NOS1AP: variants seen among roughly 807,000 people sequenced by gnomAD.
NOS1AP encodes the protein nitric oxide synthase 1 adaptor protein, also known as carboxyl-terminal PDZ ligand of neuronal nitric oxide synthase protein.
A neutral mutation model predicts 56.2 loss-of-function variants in NOS1AP; 21 were observed. The observed-to-expected ratio is 0.37, with a 90% CI of 0.26 to 0.54. The LOEUF is 0.54. Among genes scored for constraint, NOS1AP ranks in the 20% least tolerant of loss-of-function variants. The probability of loss-of-function intolerance (pLI) is 0.84; values close to 1 mark genes in which losing one functional copy is unlikely to be tolerated. For synonymous variants in NOS1AP, 270 were observed against 274.6 expected, an observed-to-expected ratio of 0.98 and a Z score of 0.17; for missense variants, 522 against 657.8, an observed-to-expected ratio of 0.79 and a Z score of 2.26.
At chr1:162,299,321 T>C (rs1049527916) in intron 3 of NOS1AP, among the ~76,000 whole-genome samples, 7 of 152,178 alleles carry the variant, frequency 4.6e-5, no homozygotes, top group African/African-American at 1.7e-4. Context: ...GCCATGCAGA[T>C]CAGGGATCCA....
intron 2 of NOS1AP, among the ~76,000 whole-genome samples, chr1:162,221,520 GCACACACACGCGCGCA>G (rs1298412386): frequency 2.0e-5 from 2 of 100,836 alleles, no homozygotes; most frequent in East Asian, 2.7e-4. Context: ...ACACACACAC[GCACACACACGCGCGCA>G]CACACACACA....
chr1:162,139,932 A>G (rs1649165235), intron 1 of NOS1AP, among the ~76,000 whole-genome samples: 1 of 151,874 alleles, frequency 6.6e-6, no homozygotes, highest in Non-Finnish European at 1.5e-5. Context: ...GGTTCAAGTG[A>G]TTATCATGCC....
chr1:162,332,106 C>T (rs1656789107), intron 4 of NOS1AP, among the ~76,000 whole-genome samples: 1 of 152,206 alleles, frequency 6.6e-6, no homozygotes, highest in South Asian at 2.1e-4. Flanking sequence ...CCACTTGAAC[C>T]ACACTCCGTT....
intron 1 of NOS1AP, among the ~76,000 whole-genome samples, chr1:162,153,995 T>C (rs1156728383): frequency 1.3e-5 from 2 of 150,416 alleles, no homozygotes; most frequent in Non-Finnish European, 3.0e-5. Flanking sequence ...TTGAGAGCAC[T>C]AATATTTGCC....
intron 2 of NOS1AP, among the ~76,000 whole-genome samples, chr1:162,270,955 G>A (rs776875568): frequency 2.6e-5 from 4 of 152,162 alleles, no homozygotes; most frequent in Non-Finnish European, 4.4e-5. Flanking sequence ...GAAACTGTAT[G>A]TATGTAACTG....
chr1:162,099,943 C>A (rs1158967667), intron 1 of NOS1AP, among the ~76,000 whole-genome samples: 4 of 151,624 alleles, frequency 2.6e-5, no homozygotes, highest in Non-Finnish European at 5.9e-5. Context: ...TCATCCATGT[C>A]CCTACAAAGG....
At chr1:162,303,312 G>C (rs921235736) in intron 4 of NOS1AP, among the ~76,000 whole-genome samples, 71 of 152,308 alleles carry the variant, frequency 4.7e-4, no homozygotes, top group African/African-American at 1.5e-3. Flanking sequence ...GTGTACAAGA[G>C]TCCCAATTCC....
At chr1:162,197,011 C>T (rs1038567306) in intron 2 of NOS1AP, among the ~76,000 whole-genome samples, 64 of 152,084 alleles carry the variant, frequency 4.2e-4, no homozygotes, top group African/African-American at 1.5e-3. Context: ...TAGAGTTTGT[C>T]GGTGGCTCTC....
At chr1:162,088,746 A>T (rs1692060121) in intron 1 of NOS1AP, among the ~76,000 whole-genome samples, 4 of 152,112 alleles carry the variant, frequency 2.6e-5, no homozygotes, top group African/African-American at 9.7e-5. Context: ...TTGAGGCCAG[A>T]TTACTCAGTC....
chr1:162,242,077 T>A (rs1442261529), intron 2 of NOS1AP, among the ~76,000 whole-genome samples: 1 of 152,196 alleles, frequency 6.6e-6, no homozygotes, highest in Non-Finnish European at 1.5e-5. Flanking sequence ...TCTTTTTACC[T>A]TCCTTCCTTC....
At chr1:162,318,084 C>G (rs952733672) in intron 4 of NOS1AP, among the ~76,000 whole-genome samples, 1 of 152,156 alleles carries the variant, frequency 6.6e-6, no homozygotes, top group Admixed American at 6.5e-5. Context: ...CAGGCGAGCT[C>G]CTCTTCTTGC....
chr1:162,127,654 G>T (rs1306491612), intron 1 of NOS1AP, among the ~76,000 whole-genome samples: 1 of 152,156 alleles, frequency 6.6e-6, no homozygotes, highest in Non-Finnish European at 1.5e-5. Context: ...CGTGAAGGGG[G>T]AGCAGGCACT....
At chr1:162,304,343 CTTTA>C (rs751819466) in intron 4 of NOS1AP, among the ~76,000 whole-genome samples, 2 of 152,202 alleles carry the variant, frequency 1.3e-5, no homozygotes, top group Non-Finnish European at 2.9e-5. Context: ...TTTCTGGACT[CTTTA>C]TTCTGTCCTA....
At chr1:162,322,952 T>C (rs1306762070) in intron 4 of NOS1AP, among the ~76,000 whole-genome samples, 1 of 152,188 alleles carries the variant, frequency 6.6e-6, no homozygotes, top group Non-Finnish European at 1.5e-5. Context: ...TGGTGAAGAT[T>C]GCTAGGGTTC....
At chr1:162,088,641 A>T (rs1266869407) in intron 1 of NOS1AP, among the ~76,000 whole-genome samples, 1 of 152,076 alleles carries the variant, frequency 6.6e-6, no homozygotes, top group Non-Finnish European at 1.5e-5. Flanking sequence ...GAGGAGGGGG[A>T]CAGATCTCCA....
rs35920520 is a variant in NOS1AP at position 162,221,534 on chromosome 1, GCACACACA to G, written c.178-65778_178-65771del. Among the ~76,000 whole-genome samples, 201 of 73,462 alleles carry G rather than the reference GCACACACA, an allele frequency of 2.7e-3. 1 individual carries two copies. Among genetic ancestry groups the G allele is most frequent in the African/African-American group, 5.8e-3 (174 of 29,836 alleles). 48.2% of individuals were successfully genotyped at this position (73,462 alleles called of 152,430 possible). A position where few individuals can be genotyped will look rare whatever the true frequency, so the allele number is the denominator to read the frequency against. On this transcript the variant is annotated intron_variant, in intron 2 of 9. Coordinates refer to ENST00000361897, the MANE Select transcript of NOS1AP (RefSeq NM_014697.3). Reference sequence around the variant, plus strand: ...AACACACACACGCACACACACGCGCGCACACACACACACACACACACACACACACACAC... The same window carrying G: ...AACACACACACGCACACACACGCGCGCACACACACACACACACACACACAC...
At chr1:162,295,166 G>A (rs148751976) in intron 3 of NOS1AP, among the ~76,000 whole-genome samples, 2 of 152,232 alleles carry the variant, frequency 1.3e-5, no homozygotes, top group East Asian at 1.9e-4. Flanking sequence ...TTAGAGGTGT[G>A]TGTCCCCTCC....
At chr1:162,167,564 G>C (rs1650561341) in intron 2 of NOS1AP, among the ~76,000 whole-genome samples, 1 of 152,250 alleles carries the variant, frequency 6.6e-6, no homozygotes, top group Non-Finnish European at 1.5e-5. Flanking sequence ...TGGTTGTGGG[G>C]CTGAGGGAGG....
rs2102152964 is a variant in NOS1AP at position 162,188,707 on chromosome 1, T to C, written c.177+34231T>C. On this transcript the variant is annotated intron_variant, in intron 2 of 9. Coordinates refer to ENST00000361897, the MANE Select transcript of NOS1AP (RefSeq NM_014697.3). The surrounding 1 kb of genome is among the most constrained non-coding windows in gnomAD (Gnocchi z 4.0). Reference sequence around the variant, plus strand: ...AAGTGCAGTGAGTTTTGTTGAATGATAACAGTGTAATAAATGTCTCTATTT... The same window carrying C: ...AAGTGCAGTGAGTTTTGTTGAATGACAACAGTGTAATAAATGTCTCTATTT... 6.6e-6 allele frequency among the ~76,000 whole-genome samples: 1 copy of C among 152,360 alleles called. No homozygotes were observed.
Sources: gnomAD v4.1 joint callset for allele counts (sites outside exome capture counted in the v4.1 genomes callset) on GRCh38, gnomAD v4.1.1 for gene constraint, Gnocchi (gnomAD v3.1) non-coding constraint, MANE v1.5 for transcripts, NCBI Gene and HGNC (gene_info 2026-07-23, HGNC 2026-07-21) for gene names.